NOP56: variants seen among roughly 807,000 people sequenced by gnomAD.
NOP56 encodes nucleolar protein 56.
NOP56 carries 31 observed loss-of-function variants against 58.3 expected under a neutral mutation model. The ratio of observed to expected loss-of-function variants is 0.53; its 90% CI spans 0.40 to 0.72. NOP56 has a LOEUF of 0.72. Among genes scored for constraint, NOP56 ranks in the 30% least tolerant of loss-of-function variants. The probability of loss-of-function intolerance (pLI) is 0.00; values close to 1 mark genes in which losing one functional copy is unlikely to be tolerated. For synonymous variants in NOP56, 313 were observed against 282.8 expected, an observed-to-expected ratio of 1.11 and a Z score of -1.07; for missense variants, 669 against 739.9, an observed-to-expected ratio of 0.90 and a Z score of 1.11.
rs752838541 is a variant in NOP56 at position 2,655,596 on chromosome 20, C to T, written c.759C>T (p.Gly253=). 1.6e-5 allele frequency: 26 copies of T among 1,614,198 alleles called. No homozygotes were observed. Among genetic ancestry groups the T allele is most frequent in the South Asian group, 1.1e-4 (10 of 91,086 alleles). The part of the protein sequence containing the change: ...AILDASRSSM[G]MDISAIDLIN... ...GCATTCACACTTGGTTTTTCCTAGG[C>T]ATGGACATATCTGCCATTGACTTGA... The change falls in exon 7 of 12, where the codon GGC becomes GGT. Residue 253 remains glycine, a splice_region_variant and synonymous_variant. Coordinates refer to ENST00000329276, the MANE Select transcript of NOP56 (RefSeq NM_006392.4).
rs891704796 is a variant in NOP56 at position 2,658,036 on chromosome 20, G to T, written c.1527G>T (p.Lys509Asn). ...PSISFSKPKK[K>N]KSFSKEELMS... ...TCTCTTTCTCCAAACCCAAGAAAAAGAAATCTTTTTCCAAGGAGGAGTTGA... is the reference window on the plus strand; with the variant it reads ...TCTCTTTCTCCAAACCCAAGAAAAATAAATCTTTTTCCAAGGAGGAGTTGA... The change falls in exon 12 of 12, where the codon AAG becomes AAT. Residue 509 changes from lysine to asparagine, a missense_variant. Transcript: ENST00000329276. The T allele has an allele frequency of 5.6e-6, 9 of 1,613,504 alleles. No individual in the cohort carries two copies. Among genetic ancestry groups the T allele is most frequent in the Non-Finnish European group, 7.6e-6 (9 of 1,179,492 alleles).
chr20:2,658,172 G>A lies in NOP56; in HGVS notation c.1663G>A (p.Gly555Ser). 1.9e-6 allele frequency: 3 copies of A among 1,612,336 alleles called. No individual in the cohort carries two copies. The highest frequency in any genetic ancestry group is 2.5e-6 in the Non-Finnish European group (3 of 1,179,100). ...NDPEEAGHRSGSKKKRKFSKE... is the reference protein window; with the variant it reads ...NDPEEAGHRSSSKKKRKFSKE... ...CCCTGAGGAGGCAGGCCACAGAAGT[G>A]GCTCCAAGAAAAAGAGGAAATTCTC... Residue 555 changes from glycine (G) to serine (S), a missense_variant, in exon 12 of 12, where the codon GGC (glycine) becomes AGC (serine). Gly to Ser is a moderately conservative substitution (Grantham distance 56). Around this residue, in one of 3 missense-constraint regions of NOP56, gnomAD observed 209 missense variants for 196.2 expected, o/e 1.07. Coordinates refer to ENST00000329276, the MANE Select transcript of NOP56 (RefSeq NM_006392.4).
Position 2,656,454 on chromosome 20 carries a change from C to G in NOP56, c.1064C>G (p.Thr355Ser). 6.2e-7 allele frequency: 1 copy of G among 1,614,210 alleles called. No homozygotes were observed. The highest frequency in any genetic ancestry group is 8.5e-7 in the Non-Finnish European group (1 of 1,180,040). ...TPKYGLIFHSTFIGRAAAKNK... is the reference protein window; with the variant it reads ...TPKYGLIFHSSFIGRAAAKNK... Reference sequence around the variant, plus strand: ...AAATATGGACTCATTTTCCACTCCACCTTCATTGGCCGAGCAGCTGCCAAG... The same window carrying G: ...AAATATGGACTCATTTTCCACTCCAGCTTCATTGGCCGAGCAGCTGCCAAG... Residue 355 changes from threonine to serine, a missense_variant, in exon 9 of 12, where the codon ACC becomes AGC. Transcript: ENST00000329276.
chr20:2,657,343 A>G, intron 11 of NOP56, 125 bp downstream of exon 11: 2 of 1,298,044 alleles, frequency 1.5e-6, no homozygotes, highest in South Asian at 2.4e-5. Context: ...AAGGACCTGA[A>G]ACATCTAAAA....
intron 9 of NOP56, 64 bp from the exon 10 acceptor site, chr20:2,656,710 G>T: frequency 6.2e-7 from 1 of 1,613,834 alleles, no homozygotes; most frequent in South Asian, 1.1e-5. Context: ...AGGGTAGAGG[G>T]AACACAGGGT....
Position 2,654,772 on chromosome 20 carries a change from C to CTGGT in NOP56, c.395_398dup (p.Lys134GlyfsTer11). On this transcript the variant is annotated frameshift_variant, in exon 5 of 12. Transcript: ENST00000329276. LOFTEE classifies it high-confidence loss of function. ...AGGAGTTCGTCTGCACTTCCACAATCTGGTGAAGGGTCTGACCGATCTGTC... is the reference window on the plus strand; with the variant it reads ...AGGAGTTCGTCTGCACTTCCACAATCTGGTTGGTGAAGGGTCTGACCGATCTGTC... 6.2e-7 allele frequency: 1 copy of CTGGT among 1,614,086 alleles called. No homozygotes were observed. Among genetic ancestry groups the CTGGT allele is most frequent in the Non-Finnish European group, 8.5e-7 (1 of 1,180,038 alleles).
chr20:2,655,124 G>A, intron 5 of NOP56, 177 bp downstream of exon 5: 1 of 1,063,348 alleles, frequency 9.4e-7, no homozygotes, highest in Non-Finnish European at 1.5e-6. Flanking sequence ...GAAAGAGGAG[G>A]TAGAGTAAAC....
intron 9 of NOP56, 40 bp downstream of exon 9, chr20:2,656,589 G>A: frequency 6.2e-7 from 1 of 1,611,362 alleles, no homozygotes; most frequent in Non-Finnish European, 8.5e-7. Flanking sequence ...AGAAGGGGCT[G>A]GGTGGCTGGG....
rs772608253 is a variant in NOP56, at chr20:2,655,312, T to C, written c.570-13T>C. 1.9e-6 allele frequency: 3 copies of C among 1,614,196 alleles called. No individual in the cohort carries two copies. Among genetic ancestry groups the C allele is most frequent in the South Asian group, 1.1e-5 (1 of 91,088 alleles). On this transcript the variant is annotated splice_polypyrimidine_tract_variant and intron_variant, in intron 5 of 11. Transcript: ENST00000329276. Reference sequence around the variant, plus strand: ...AAGCAGCTGGGCCAGGGAGTGACTGTGGCTCTTTGCAGGGAGTGGTACGGG... The same window carrying C: ...AAGCAGCTGGGCCAGGGAGTGACTGCGGCTCTTTGCAGGGAGTGGTACGGG...
At chr20:2,657,808 T>TA (rs2086846318) in intron 11 of NOP56, 121 bp from the exon 12 acceptor site, 1 of 1,161,750 alleles carries the variant, frequency 8.6e-7, no homozygotes, top group African/African-American at 1.6e-5. Flanking sequence ...CCCACACAAT[T>TA]AAACTATCCC....
At position 2,654,572 on chromosome 20, in the gene NOP56, C is replaced by A. The variant is rs1239524436; in HGVS notation, c.367C>A (p.Arg123=). The A allele has an allele frequency of 2.5e-6, 4 of 1,614,070 alleles. No homozygotes were observed. The highest frequency in any genetic ancestry group is 1.1e-5 in the South Asian group (1 of 91,086). Residue 123 remains arginine (R), a synonymous_variant, in exon 4 of 12, where the codon CGA becomes AGA. Transcript: ENST00000329276. ...TGGAGGAGTCATAGCTGAGATCCTGCGAGGTGAGACCATCATCTGTTATAT... is the reference window on the plus strand; with the variant it reads ...TGGAGGAGTCATAGCTGAGATCCTGAGAGGTGAGACCATCATCTGTTATAT... The part of the protein sequence containing the change: ...QTGGVIAEIL[R]GVRLHFHNLV...
At chr20:2,657,708 G>GT (rs35964304) in intron 11 of NOP56, 94,548 of 450,404 alleles carry the variant, frequency 0.21, 983 homozygotes, top group East Asian at 0.33. Context: ...TGTTTTTTAG[G>GT]TTTTTTTTTT....
At chr20:2,655,220 T>C (rs773927239) in intron 5 of NOP56, 105 bp from the exon 6 acceptor site, 17 of 1,384,428 alleles carry the variant, frequency 1.2e-5, no homozygotes, top group Non-Finnish European at 1.6e-5. Context: ...ATTTGGATCT[T>C]TGTCCCATTT....
Position 2,654,421 on chromosome 20 carries a change from T to C in NOP56, c.216T>C (p.Val72=). The C allele has an allele frequency of 1.9e-6, 3 of 1,614,114 alleles. No individual in the cohort carries two copies. The highest frequency in any genetic ancestry group is 2.5e-6 in the Non-Finnish European group (3 of 1,180,016). The part of the protein sequence containing the change: ...ENANAVSEGV[V]HEDLRLLLET... ...TGTGTTCTTTCCCCTGAGGGGTTGT[T>C]CATGAGGACCTCCGCCTGCTCTTGG... Residue 72 remains valine, a synonymous_variant, in exon 4 of 12, where the codon GTT becomes GTC. Coordinates refer to ENST00000329276, the MANE Select transcript of NOP56 (RefSeq NM_006392.4).
intron 6 of NOP56, 23 bp downstream of exon 6, chr20:2,655,535 T>A: frequency 1.2e-6 from 2 of 1,614,084 alleles, no homozygotes; most frequent in Non-Finnish European, 1.7e-6. Context: ...CCTGGCAACC[T>A]GCATAAGGTA....
chr20:2,653,267 T>G lies in NOP56; in HGVS notation c.94-12T>G. On this transcript the variant is annotated splice_polypyrimidine_tract_variant and intron_variant, in intron 2 of 11. Transcript: ENST00000329276. Reference sequence around the variant, plus strand: ...GAGGGAAGGAAACCACTTAGCCTCTTTCTCCCCCCAGGTGGAGGAGTCTGT... The same window carrying G: ...GAGGGAAGGAAACCACTTAGCCTCTGTCTCCCCCCAGGTGGAGGAGTCTGT... The G allele has an allele frequency of 1.2e-6, 2 of 1,606,860 alleles. No homozygotes were observed. The highest frequency in any genetic ancestry group is 1.7e-6 in the Non-Finnish European group (2 of 1,173,410).
intron 4 of NOP56, 37 bp from the exon 5 acceptor site, chr20:2,654,710 CAG>C (rs1325292811): frequency 1.2e-6 from 2 of 1,611,096 alleles, no homozygotes; most frequent in African/African-American, 2.7e-5. Flanking sequence ...GGAGCTAGCT[CAG>C]AGCCCCTTGT....
rs1430956798 is a variant in NOP56 at position 2,657,996 on chromosome 20, T to C, written c.1487T>C (p.Met496Thr). The C allele has an allele frequency of 1.2e-6, 2 of 1,611,500 alleles. No homozygotes were observed. Among genetic ancestry groups the C allele is most frequent in the East Asian group, 4.5e-5 (2 of 44,798 alleles). ...CAGGAGGTTCCTCAGGAGAATGGAATGGAAGACCCATCTATCTCTTTCTCC... is the reference window on the plus strand; with the variant it reads ...CAGGAGGTTCCTCAGGAGAATGGAACGGAAGACCCATCTATCTCTTTCTCC... The part of the protein sequence containing the change: ...KPQEVPQENG[M>T]EDPSISFSKP... Residue 496 changes from methionine to threonine, a missense_variant, in exon 12 of 12, where the codon ATG becomes ACG. Physicochemically the swap from Met to Thr is moderately conservative, Grantham distance 81. Transcript: ENST00000329276.
rs746472210 is a variant in NOP56, at chr20:2,658,149, C to G, written c.1640C>G (p.Pro547Arg). 4.0e-5 allele frequency: 64 copies of G among 1,613,738 alleles called. No homozygotes were observed. In the African/African-American group the frequency reaches 8.1e-4, roughly 21 times the overall value. ...STPKEETVND[P>R]EEAGHRSGSK... ...CCCAAGGAGGAAACAGTTAATGACCCTGAGGAGGCAGGCCACAGAAGTGGC... is the reference window on the plus strand; with the variant it reads ...CCCAAGGAGGAAACAGTTAATGACCGTGAGGAGGCAGGCCACAGAAGTGGC... The change falls in exon 12 of 12, where the codon CCT (proline) becomes CGT (arginine). Residue 547 changes from proline (P) to arginine (R), a missense_variant. By Grantham distance (103) the Pro-to-Arg change is moderately radical. Coordinates refer to ENST00000329276, the MANE Select transcript of NOP56 (RefSeq NM_006392.4).
Sources: allele counts gnomAD v4.1 joint callset, GRCh38; gene constraint gnomAD v4.1.1; regional missense constraint gnomAD v4.1.1; transcripts MANE v1.5; gene names NCBI Gene and HGNC (gene_info 2026-07-23, HGNC 2026-07-21).